The following SAMD12 variants were observed in gnomAD, a reference collection of about 807,000 sequenced individuals.
The protein encoded by SAMD12 is sterile alpha motif domain-containing protein 12.
SAMD12 carries 9 observed loss-of-function variants against 15.0 expected under a neutral mutation model. That is an observed-to-expected ratio of 0.60 (90% CI 0.36 to 1.05). The LOEUF (loss-of-function observed/expected upper bound fraction) is 1.05. SAMD12 is among the 50% of genes least tolerant of loss of function. The pLI is 0.01. For missense variants in SAMD12, 230 were observed against 234.2 expected (o/e 0.98, Z 0.12); for synonymous variants, 86 against 90.1 (o/e 0.96, Z 0.25).
chr8:118,176,484 TA>T, the SAMD12 span, among the ~76,000 whole-genome samples: 1 of 152,008 alleles, frequency 6.6e-6, no homozygotes, highest in African/African-American at 2.4e-5. Context: ...TACATAGCCA[TA>T]AAAAAGAATG....
rs28365500 is a variant in SAMD12, at chr8:118,245,359, A to G, written c.434-47627T>C. Among the ~76,000 whole-genome samples the G allele has an allele frequency of 8.3e-3, 1,262 of 152,260 alleles. 66 individuals are homozygous for G. The East Asian group carries it at 0.15, about 18-fold the overall frequency. On this transcript the variant is annotated intron_variant, in intron 4 of 4. Coordinates refer to the SAMD12 transcript ENST00000409003. The stretch of plus-strand genomic sequence containing the variant: ...ACCTGAAGATGGGAATTATGGAACC[A>G]AAAACATTAGGCCTACCGGTAATAT...
intron 1 of SAMD12, among the ~76,000 whole-genome samples, chr8:118,610,115 G>C (rs1474221353): frequency 2.0e-5 from 3 of 152,138 alleles, no homozygotes; most frequent in Non-Finnish European, 4.4e-5. Flanking sequence ...ATTGTGTGCT[G>C]GGGTACGGGT....
intron 2 of SAMD12, among the ~76,000 whole-genome samples, chr8:118,528,978 A>C (rs191948877): frequency 6.6e-6 from 1 of 152,284 alleles, no homozygotes; most frequent in Non-Finnish European, 1.5e-5. Context: ...GAGGAAGAAA[A>C]AAAGAAGAGA....
chr8:118,314,042 G>A (rs1007194071), intron 4 of SAMD12, among the ~76,000 whole-genome samples: 1 of 152,004 alleles, frequency 6.6e-6, no homozygotes, highest in Non-Finnish European at 1.5e-5. Flanking sequence ...AAAATAAAGT[G>A]TAATTCTAAA....
chr8:118,345,293 C>T (rs1172529206), intron 4 of SAMD12, among the ~76,000 whole-genome samples: 2 of 152,084 alleles, frequency 1.3e-5, no homozygotes, highest in African/African-American at 2.4e-5. Flanking sequence ...TAGGCTATAC[C>T]ATCTAGGTTA....
intron 3 of SAMD12, among the ~76,000 whole-genome samples, chr8:118,399,487 T>C (rs1355900595): frequency 1.3e-5 from 2 of 152,048 alleles, no homozygotes; most frequent in African/African-American, 4.8e-5. Flanking sequence ...TTCCTGTGAG[T>C]AGCCTGCATC....
chr8:118,360,564 A>C (rs992512810), intron 4 of SAMD12, among the ~76,000 whole-genome samples: 11 of 152,142 alleles, frequency 7.2e-5, no homozygotes, highest in African/African-American at 2.7e-4. Flanking sequence ...ACAAAACACA[A>C]AACAAAAAGG....
At chr8:118,329,223 T>C (rs1186724436) in intron 4 of SAMD12, among the ~76,000 whole-genome samples, 1 of 152,152 alleles carries the variant, frequency 6.6e-6, no homozygotes, top group Non-Finnish European at 1.5e-5. Flanking sequence ...CATAAGGTCA[T>C]CTAAGGCCAC....
chr8:118,172,819 C>T, the SAMD12 span, among the ~76,000 whole-genome samples: 1 of 152,242 alleles, frequency 6.6e-6, no homozygotes, highest in South Asian at 2.1e-4. Context: ...GTTTTGTTAA[C>T]TATAGGCACT....
chr8:118,213,532 T>C (rs182166387), intron 4 of SAMD12, among the ~76,000 whole-genome samples: 14 of 152,294 alleles, frequency 9.2e-5, no homozygotes, highest in Admixed American at 8.5e-4. Flanking sequence ...TCCCCAATGA[T>C]AGTATGTATG....
chr8:118,394,065 T>G (rs986188325), intron 3 of SAMD12, among the ~76,000 whole-genome samples: 1 of 152,222 alleles, frequency 6.6e-6, no homozygotes, highest in Non-Finnish European at 1.5e-5. Context: ...AAATATGGAT[T>G]GACACTGGCA....
chr8:118,509,490 T>C (rs1331498577), intron 2 of SAMD12, among the ~76,000 whole-genome samples: 1 of 152,154 alleles, frequency 6.6e-6, no homozygotes, highest in Non-Finnish European at 1.5e-5. Context: ...GAAACAGGCT[T>C]TGACTCTGTG....
At chr8:118,513,956 G>A (rs1450753735) in intron 2 of SAMD12, among the ~76,000 whole-genome samples, 3 of 152,130 alleles carry the variant, frequency 2.0e-5, no homozygotes, top group Non-Finnish European at 4.4e-5. Context: ...CAGGTCAAAA[G>A]TTTCTAGAAA....
intron 2 of SAMD12, among the ~76,000 whole-genome samples, chr8:118,445,971 T>C (rs990573763): frequency 1.3e-5 from 2 of 152,210 alleles, no homozygotes; most frequent in African/African-American, 4.8e-5. Flanking sequence ...ATTCTCAATG[T>C]GTTGACAACG....
chr8:118,327,160 T>C (rs547353666), intron 4 of SAMD12, among the ~76,000 whole-genome samples: 2 of 152,358 alleles, frequency 1.3e-5, no homozygotes, highest in South Asian at 4.1e-4. Context: ...GAGCATGGGC[T>C]TGCAGCTTTT....
the SAMD12 span, among the ~76,000 whole-genome samples, chr8:118,178,764 C>T: frequency 6.6e-6 from 1 of 152,208 alleles, no homozygotes; most frequent in Non-Finnish European, 1.5e-5. Context: ...CCGCCCCCGG[C>T]CACACATTTC....
chr8:118,379,240 C>T lies in SAMD12; in HGVS notation c.*177G>A, dbSNP rs1819539660. On this transcript the variant is annotated 3_prime_UTR_variant, in exon 4 of 4. Coordinates refer to ENST00000314727, the MANE Select transcript of SAMD12 (RefSeq NM_207506.3). ...GCACATTATACAACTCTAGTGAGTGCAATCGTACCCTGATTGATGTGACTG... is the reference window on the plus strand; with the variant it reads ...GCACATTATACAACTCTAGTGAGTGTAATCGTACCCTGATTGATGTGACTG... 1 of 1,421,136 alleles carries T rather than the reference C, an allele frequency of 7.0e-7. No individual in the cohort carries two copies. Among genetic ancestry groups the T allele is most frequent in the Non-Finnish European group, 9.2e-7 (1 of 1,090,208 alleles). The allele number at this position is 1,421,136 out of a possible 1,614,324, so 88.0% of individuals were successfully genotyped here. A position where few individuals can be genotyped will look rare whatever the true frequency, so the allele number is the denominator to read the frequency against.
the SAMD12 span, among the ~76,000 whole-genome samples, chr8:118,182,914 A>G: frequency 6.6e-6 from 1 of 152,246 alleles, no homozygotes; most frequent in Non-Finnish European, 1.5e-5. Flanking sequence ...AGAAATGTTC[A>G]TTATATCTTC....
At chr8:118,175,034 C>CAAAAAAAAAAAAA in the SAMD12 span, among the ~76,000 whole-genome samples, 16 of 78,704 alleles carry the variant, frequency 2.0e-4, no homozygotes, top group East Asian at 7.8e-4. Context: ...CAAAAAAAAA[C>CAAAAAAAAAAAAA]AAAAAAAAAA....
Sources: allele counts gnomAD v4.1 joint callset (sites outside exome capture counted in the v4.1 genomes callset), GRCh38; gene constraint gnomAD v4.1.1; transcripts MANE v1.5; gene names NCBI Gene and HGNC (gene_info 2026-07-23, HGNC 2026-07-21).